CADM2: variants seen among roughly 807,000 people sequenced by gnomAD.
CADM2 encodes immunoglobulin superfamily member 4D.
In CADM2, 12 loss-of-function variants were observed where a neutral mutation model predicts 49.8. The observed-to-expected ratio is 0.24, with a 90% CI of 0.15 to 0.39. The LOEUF is 0.39. CADM2 is among the 10% of genes least tolerant of loss of function. The probability of loss-of-function intolerance (pLI) is 1.00; values close to 1 mark genes in which losing one functional copy is unlikely to be tolerated. For missense variants in CADM2, 378 were observed against 492.3 expected, an observed-to-expected ratio of 0.77 and a Z score of 2.20; for synonymous variants, 214 against 175.4, an observed-to-expected ratio of 1.22 and a Z score of -1.74.
intron 1 of CADM2, among the ~76,000 whole-genome samples, chr3:85,497,872 T>C (rs991931291): frequency 6.6e-6 from 1 of 152,040 alleles, no homozygotes; most frequent in Admixed American, 6.6e-5. Context: ...ATCTATTATG[T>C]ATCTATATGT....
intron 1 of CADM2, among the ~76,000 whole-genome samples, chr3:85,455,059 T>A (rs1245787132): frequency 2.0e-5 from 3 of 152,206 alleles, no homozygotes; most frequent in Non-Finnish European, 4.4e-5. Flanking sequence ...TCAGCCCATA[T>A]CCTACAAATA....
chr3:85,856,141 A>T (rs549636901), intron 3 of CADM2, among the ~76,000 whole-genome samples: 1 of 152,302 alleles, frequency 6.6e-6, no homozygotes, highest in East Asian at 1.9e-4. Flanking sequence ...AAGCTTGTGT[A>T]GTTCCACTTA....
intron 1 of CADM2, among the ~76,000 whole-genome samples, chr3:84,974,188 G>T (rs1488092643): frequency 2.0e-5 from 3 of 151,378 alleles, no homozygotes; most frequent in Non-Finnish European, 4.4e-5. Context: ...CTCTGGAATG[G>T]ATGATATACA....
chr3:85,396,577 T>C (rs1430131346), intron 1 of CADM2, among the ~76,000 whole-genome samples: 1 of 152,030 alleles, frequency 6.6e-6, no homozygotes, highest in Non-Finnish European at 1.5e-5. Context: ...TGTAGAAATA[T>C]GGATAGATGA....
At chr3:85,719,850 A>G in intron 1 of CADM2, among the ~76,000 whole-genome samples, 1 of 152,236 alleles carries the variant, frequency 6.6e-6, no homozygotes, top group African/African-American at 2.4e-5. Flanking sequence ...TTTCAAACAC[A>G]TACAAAAACA....
chr3:85,702,021 T>A (rs1457255846), intron 1 of CADM2, among the ~76,000 whole-genome samples: 4 of 149,966 alleles, frequency 2.7e-5, no homozygotes, highest in Non-Finnish European at 4.4e-5. Context: ...GATAGATAGT[T>A]GATAGATAGA....
At chr3:85,818,745 G>A (rs1215410307) in intron 3 of CADM2, among the ~76,000 whole-genome samples, 2 of 152,064 alleles carry the variant, frequency 1.3e-5, no homozygotes, top group Non-Finnish European at 2.9e-5. Context: ...TAGAAAGAGA[G>A]GCTTTGAGGA....
In CADM2 at chr3:85,852,152, A is replaced by G. The variant is rs368812332; in HGVS notation, c.239-31139A>G. ...TCATTTATTCTGTACAGAGAGTACT[A>G]AGTATTTACTGCATGTTTACTTTTT... is the stretch of plus-strand genomic sequence containing the variant. On this transcript the variant is annotated intron_variant, in intron 3 of 9. Coordinates refer to ENST00000383699, the MANE Select transcript of CADM2 (RefSeq NM_001167675.2). Among the ~76,000 whole-genome samples, 7 of 152,224 alleles carry G rather than the reference A, an allele frequency of 4.6e-5. No individual in the cohort carries two copies. The East Asian group carries it at 1.2e-3, about 25-fold the overall frequency.
intron 3 of CADM2, among the ~76,000 whole-genome samples, chr3:85,869,985 A>C (rs1256176487): frequency 6.6e-6 from 1 of 152,116 alleles, no homozygotes; most frequent in East Asian, 1.9e-4. Context: ...TTTAGTTGTG[A>C]GTTCTGAACC....
At chr3:85,849,941 A>G (rs981657075) in intron 3 of CADM2, among the ~76,000 whole-genome samples, 3 of 152,216 alleles carry the variant, frequency 2.0e-5, no homozygotes, top group African/African-American at 2.4e-5. Context: ...ACACTAATTT[A>G]CACCGATATA....
At chr3:85,991,753 G>A (rs72912429) in intron 8 of CADM2, among the ~76,000 whole-genome samples, 5,393 of 151,962 alleles carry the variant, frequency 0.035, 318 homozygotes, top group African/African-American at 0.12. Context: ...AATTTATTAA[G>A]GATATCGATT....
At chr3:85,676,266 G>A (rs571233574) in intron 1 of CADM2, among the ~76,000 whole-genome samples, 3 of 152,036 alleles carry the variant, frequency 2.0e-5, no homozygotes, top group Non-Finnish European at 4.4e-5. Context: ...TCTAGACTCC[G>A]AGGCCTTAAT....
At chr3:85,280,337 C>G (rs368421761) in intron 1 of CADM2, among the ~76,000 whole-genome samples, 1 of 151,140 alleles carries the variant, frequency 6.6e-6, no homozygotes, top group Non-Finnish European at 1.5e-5. Context: ...TTTGTTTTTC[C>G]TTAACTTTTT....
At chr3:85,387,219 AT>A (rs146127169) in intron 1 of CADM2, among the ~76,000 whole-genome samples, 33 of 152,232 alleles carry the variant, frequency 2.2e-4, no homozygotes, top group African/African-American at 7.5e-4. Flanking sequence ...TGGAAAAGTA[AT>A]TTTTCCCCCT....
At chr3:85,894,708 G>C (rs1454208921) in intron 5 of CADM2, among the ~76,000 whole-genome samples, 1 of 152,174 alleles carries the variant, frequency 6.6e-6, no homozygotes, top group African/African-American at 2.4e-5. Context: ...TCTGTGTGCA[G>C]CCTCTGGACA....
At chr3:85,760,084 C>T (rs761230525) in intron 2 of CADM2, among the ~76,000 whole-genome samples, 13 of 152,032 alleles carry the variant, frequency 8.6e-5, no homozygotes, top group Non-Finnish European at 1.5e-4. Context: ...GAATGTTTTT[C>T]TAATTTCACT....
chr3:85,031,050 G>A (rs1370219689), intron 1 of CADM2, among the ~76,000 whole-genome samples: 1 of 152,166 alleles, frequency 6.6e-6, no homozygotes, highest in Non-Finnish European at 1.5e-5. Context: ...TAATGTTGAA[G>A]ATTTGCTGTG....
intron 1 of CADM2, among the ~76,000 whole-genome samples, chr3:85,041,117 A>G (rs1559630768): frequency 6.6e-6 from 1 of 152,114 alleles, no homozygotes; most frequent in Non-Finnish European, 1.5e-5. Flanking sequence ...TCTTCCTTTA[A>G]TTACTTAGTC....
rs140258474 is a variant in CADM2 at position 85,186,805 on chromosome 3, T to C, written c.61+227137T>C. Among the ~76,000 whole-genome samples, 522 of 152,286 alleles carry C rather than the reference T, an allele frequency of 3.4e-3. 2 individuals carry two copies. The highest frequency in any genetic ancestry group is 0.011 in the African/African-American group (466 of 41,564). On this transcript the variant is annotated intron_variant, in intron 1 of 9. Transcript: ENST00000383699. ...TGCTAACTAATAAATTACATGTATA[T>C]ACTTCCAGTTAGTTGTAAGTGTATA...
Sources: gnomAD v4.1 joint callset for allele counts (sites outside exome capture counted in the v4.1 genomes callset) on GRCh38, gnomAD v4.1.1 for gene constraint, MANE v1.5 for transcripts, NCBI Gene and HGNC (gene_info 2026-07-23, HGNC 2026-07-21) for gene names.